The following SPIRE2 variants were observed in gnomAD, a reference collection of about 807,000 sequenced individuals.
SPIRE2 encodes spire type actin nucleation factor 2, also known as protein spire homolog 2.
SPIRE2 carries 76 observed loss-of-function variants against 80.7 expected under a neutral mutation model. That is an observed-to-expected ratio of 0.94 (90% CI 0.78 to 1.14). The LOEUF is 1.14. Ranked by LOEUF, SPIRE2 falls within the 50% of genes most tolerant of loss-of-function variation. SPIRE2 has a pLI of 0.00. For synonymous variants in SPIRE2, 535 were observed against 432.6 expected (o/e 1.24, Z -2.94); for missense variants, 1,196 against 1,015.3 (o/e 1.18, Z -2.42).
At chr16:89,866,592 G>C (rs2041790907) in intron 12 of SPIRE2, among the ~76,000 whole-genome samples, 1 of 147,810 alleles carries the variant, frequency 6.8e-6, no homozygotes, top group South Asian at 2.2e-4. Context: ...ACCACGCCCA[G>C]CCTTGAATTT....
In SPIRE2 at chr16:89,850,418, A is replaced by G. The variant is rs1176955785; in HGVS notation, c.403A>G (p.Asn135Asp). 5.0e-6 allele frequency: 8 copies of G among 1,591,294 alleles called. No homozygotes were observed. In the Admixed American group the frequency reaches 5.2e-5, roughly 10 times the overall value. The change falls in exon 3 of 15, where the codon AAC (asparagine) becomes GAC (aspartate). Residue 135 changes from asparagine (N) to aspartate (D), a missense_variant. By Grantham distance (23) the Asn-to-Asp change is conservative (BLOSUM62 1). Coordinates refer to ENST00000378247, the MANE Select transcript of SPIRE2 (RefSeq NM_032451.2). Reference sequence around the variant, plus strand: ...GCGGCTCATCGACCTCATGGCCAACAACGACAGCGAGGACAGCGGCTGCGG... The same window carrying G: ...GCGGCTCATCGACCTCATGGCCAACGACGACAGCGAGGACAGCGGCTGCGG... ...LERLIDLMANNDSEDSGCGAA... is the reference protein window; with the variant it reads ...LERLIDLMANDDSEDSGCGAA...
At chr16:89,837,501 C>T (rs549182305) in intron 1 of SPIRE2, among the ~76,000 whole-genome samples, 2 of 152,324 alleles carry the variant, frequency 1.3e-5, no homozygotes, top group African/African-American at 2.4e-5. Context: ...TAGGATCTGA[C>T]GCTGTCACCT....
At position 89,850,674 on chromosome 16, in the gene SPIRE2, G is replaced by T; in HGVS notation, c.645+14G>T. On this transcript the variant is annotated intron_variant, in intron 3 of 14. Coordinates refer to ENST00000378247, the MANE Select transcript of SPIRE2 (RefSeq NM_032451.2). ...GAGGCCAAGGAGGTGAGCGGTGGGTGGGGGCGACCGTGGAGGGTCCGGGAG... is the reference window on the plus strand; with the variant it reads ...GAGGCCAAGGAGGTGAGCGGTGGGTTGGGGCGACCGTGGAGGGTCCGGGAG... 6.8e-7 allele frequency: 1 copy of T among 1,460,494 alleles called. No individual in the cohort carries two copies. Among genetic ancestry groups the T allele is most frequent in the Non-Finnish European group, 9.0e-7 (1 of 1,112,260 alleles). 90.5% of individuals were successfully genotyped at this position (1,460,494 alleles called of 1,614,324 possible).
chr16:89,841,853 C>T (rs1484700101), intron 1 of SPIRE2, among the ~76,000 whole-genome samples: 2 of 151,506 alleles, frequency 1.3e-5, no homozygotes, highest in African/African-American at 2.4e-5. Context: ...GTGTTCCTCC[C>T]GAGTAGCTGG....
At chr16:89,868,689 C>T (rs923763268) in intron 13 of SPIRE2, among the ~76,000 whole-genome samples, 3 of 151,924 alleles carry the variant, frequency 2.0e-5, no homozygotes, top group African/African-American at 7.3e-5. Context: ...CCCATCTCTA[C>T]TAAAAATACA....
chr16:89,830,256 G>A (rs1402058881), intron 1 of SPIRE2, among the ~76,000 whole-genome samples: 1 of 151,268 alleles, frequency 6.6e-6, no homozygotes, highest in Non-Finnish European at 1.5e-5. Flanking sequence ...CACAGCCCCG[G>A]CAGCAGTTCC....
Position 89,858,452 on chromosome 16 carries a change from G to A in SPIRE2, c.1217G>A (p.Arg406His), listed in dbSNP as rs747885807. 2.7e-5 allele frequency: 43 copies of A among 1,610,794 alleles called. No homozygotes were observed. The highest frequency in any genetic ancestry group is 5.3e-5 in the African/African-American group (4 of 74,902). The change falls in exon 8 of 15, where the codon CGC becomes CAC. Residue 406 changes from arginine to histidine, a missense_variant. Transcript: ENST00000378247. ...AGGSAQRPRP[R>H]VLLKAPTLAE... ...GGCAGCGCCCAGCGCCCGCGGCCCC[G>A]CGTGCTGCTCAAGGCGCCTACCTTG...
In SPIRE2 at chr16:89,859,153, G is replaced by C. The variant is rs761837362; in HGVS notation, c.1273-12G>C. 1 of 1,555,768 alleles carries C rather than the reference G, an allele frequency of 6.4e-7. No individual in the cohort carries two copies. Among genetic ancestry groups the C allele is most frequent in the Middle Eastern group, 1.7e-4 (1 of 5,880 alleles). ...CATTGTCAGGGCAGGGCCGCGTCTG[G>C]TGTGTCCACAGGAAGAAGAGTCTCC... is the stretch of plus-strand genomic sequence containing the variant. On this transcript the variant is annotated splice_polypyrimidine_tract_variant and intron_variant, in intron 8 of 14. Transcript: ENST00000378247.
chr16:89,842,946 A>T (rs994183302), intron 1 of SPIRE2, among the ~76,000 whole-genome samples: 1 of 152,228 alleles, frequency 6.6e-6, no homozygotes, highest in African/African-American at 2.4e-5. Flanking sequence ...CTGGTTCTTG[A>T]TGGCATTTTG....
In SPIRE2 at chr16:89,860,716, A is replaced by AC; in HGVS notation, c.1501dup (p.Leu501ProfsTer100). 1 of 1,591,344 alleles carries AC rather than the reference A, an allele frequency of 6.3e-7. No individual in the cohort carries two copies. The highest frequency in any genetic ancestry group is 2.3e-5 in the East Asian group (1 of 43,502). On this transcript the variant is annotated frameshift_variant, in exon 10 of 15. Transcript: ENST00000378247. LOFTEE classifies it high-confidence loss of function. Reference sequence around the variant, plus strand: ...CCCGCGAGTGTCTCTGACCCCAGCCACCCCCTACTCAGCAACCGGGGCTCC... The same window carrying AC: ...CCCGCGAGTGTCTCTGACCCCAGCCACCCCCCTACTCAGCAACCGGGGCTCC...
In SPIRE2 at chr16:89,871,072, C is replaced by G. The variant is rs1268981538; in HGVS notation, c.*800C>G. 3 of 151,890 alleles carry G rather than the reference C, an allele frequency of 2.0e-5. No individual in the cohort carries two copies. Among genetic ancestry groups the G allele is most frequent in the East Asian group, 1.9e-4 (1 of 5,142 alleles). 9.4% of individuals were successfully genotyped at this position (151,890 alleles called of 1,614,324 possible). A position where few individuals can be genotyped will look rare whatever the true frequency, so the allele number is the denominator to read the frequency against. ...CTGCACTCCAGCCTGGGCGACAGAG[C>G]GAGACTCTGTCTCGAAAAAAAAAAA... On this transcript the variant is annotated 3_prime_UTR_variant, in exon 15 of 15. Coordinates refer to ENST00000378247, the MANE Select transcript of SPIRE2 (RefSeq NM_032451.2).
chr16:89,831,383 C>G (rs1398125263), intron 1 of SPIRE2, among the ~76,000 whole-genome samples: 1 of 148,144 alleles, frequency 6.8e-6, no homozygotes, highest in East Asian at 2.0e-4. Context: ...GGATGCTAAA[C>G]TTTTTTTCTT....
chr16:89,869,621 G>A lies in SPIRE2; in HGVS notation c.1861G>A (p.Glu621Lys). 6.2e-7 allele frequency: 1 copy of A among 1,614,176 alleles called. No homozygotes were observed. Among genetic ancestry groups the A allele is most frequent in the South Asian group, 1.1e-5 (1 of 91,082 alleles). The change falls in exon 14 of 15, where the codon GAG becomes AAG. Residue 621 changes from glutamate (E) to lysine (K), a missense_variant. Glu to Lys is a moderately conservative substitution (Grantham distance 56, BLOSUM62 1). Coordinates refer to ENST00000378247, the MANE Select transcript of SPIRE2 (RefSeq NM_032451.2). Reference protein sequence around the residue: ...GHIPVYTLGFESPQRVSAAKT... With the variant: ...GHIPVYTLGFKSPQRVSAAKT... Reference sequence around the variant, plus strand: ...CATCCCTGTCTACACACTGGGCTTTGAGAGTCCTCAGAGGGTATCAGCTGC... The same window carrying A: ...CATCCCTGTCTACACACTGGGCTTTAAGAGTCCTCAGAGGGTATCAGCTGC...
rs775829290 is a variant in SPIRE2 at position 89,854,331 on chromosome 16, C to G, written c.691C>G (p.Arg231Gly). The G allele has an allele frequency of 6.2e-7, 1 of 1,612,456 alleles. No individual in the cohort carries two copies. The highest frequency in any genetic ancestry group is 8.5e-7 in the Non-Finnish European group (1 of 1,179,874). The change falls in exon 4 of 15, where the codon CGG becomes GGG. Residue 231 changes from arginine to glycine, a missense_variant. Transcript: ENST00000378247. ...GGACGAGCCGCATCTGGAGACGCCTCGGGCAGAGCTGGACAGCCTGGGTCA... is the reference window on the plus strand; with the variant it reads ...GGACGAGCCGCATCTGGAGACGCCTGGGGCAGAGCTGGACAGCCTGGGTCA... ...REDEPHLETP[R>G]AELDSLGHTD...
chr16:89,860,418 C>T (rs1475520128), intron 9 of SPIRE2, among the ~76,000 whole-genome samples: 1 of 152,130 alleles, frequency 6.6e-6, no homozygotes, highest in African/African-American at 2.4e-5. Context: ...TTCACGATGC[C>T]TGCCTAACTT....
At chr16:89,866,405 C>G (rs913727015) in intron 12 of SPIRE2, among the ~76,000 whole-genome samples, 1 of 152,032 alleles carries the variant, frequency 6.6e-6, no homozygotes, top group Non-Finnish European at 1.5e-5. Context: ...TCAAGTGATT[C>G]TCCTGCCTCA....
Position 89,855,639 on chromosome 16 carries a change from C to G in SPIRE2, c.931C>G (p.His311Asp). The change falls in exon 6 of 15, where the codon CAC (histidine) becomes GAC (aspartate). Residue 311 changes from histidine to aspartate, a missense_variant. Coordinates refer to ENST00000378247, the MANE Select transcript of SPIRE2 (RefSeq NM_032451.2). ...DIPPRVKKDA[H>D]ELILDFIRSR... ...CCCGCCCCGGGTGAAGAAGGACGCT[C>G]ACGAGCTCATCCTGGACTTTATCCG... is the stretch of plus-strand genomic sequence containing the variant. 6.2e-7 allele frequency: 1 copy of G among 1,612,852 alleles called. No individual in the cohort carries two copies. Among genetic ancestry groups the G allele is most frequent in the Non-Finnish European group, 8.5e-7 (1 of 1,179,958 alleles).
chr16:89,863,449 G>A lies in SPIRE2; in HGVS notation c.1576-27G>A, dbSNP rs114978231. ...AGCTAGGGGAGCCTCCTGCATAGAA[G>A]ACTTCCTACCTGAGGCCGTCCCCTA... On this transcript the variant is annotated intron_variant, in intron 10 of 14. Transcript: ENST00000378247. This position sits in a 1 kb window ranked among gnomAD's most constrained non-coding sequence, Gnocchi z 4.3. 2.1e-5 allele frequency: 34 copies of A among 1,613,322 alleles called. No homozygotes were observed. The highest frequency in any genetic ancestry group is 2.8e-5 in the Non-Finnish European group (33 of 1,179,824).
At chr16:89,832,354 C>T (rs555163715) in intron 1 of SPIRE2, among the ~76,000 whole-genome samples, 1 of 152,352 alleles carries the variant, frequency 6.6e-6, no homozygotes, top group South Asian at 2.1e-4. Context: ...TTTAAAATAG[C>T]AGTCTGCAAA....
Sources: allele counts gnomAD v4.1 joint callset (sites outside exome capture counted in the v4.1 genomes callset), GRCh38; gene constraint gnomAD v4.1.1; non-coding constraint Gnocchi (gnomAD v3.1); transcripts MANE v1.5; gene names NCBI Gene and HGNC (gene_info 2026-07-23, HGNC 2026-07-21).